Variants in WDR11 observed in about 807,000 individuals in gnomAD.
WDR11 encodes WD repeat domain 11.
A neutral mutation model predicts 151.2 loss-of-function variants in WDR11; 83 were observed. That is an observed-to-expected ratio of 0.55 (90% CI 0.46 to 0.66). The LOEUF (loss-of-function observed/expected upper bound fraction) is 0.66, where lower values mean the gene tolerates loss of function less well. Ranked by LOEUF, WDR11 falls within the 30% of genes least tolerant of loss-of-function variation. WDR11 has a pLI of 0.00. For missense variants in WDR11, 1,301 were observed against 1,480.9 expected, an observed-to-expected ratio of 0.88 and a Z score of 1.99; for synonymous variants, 484 against 533.1, an observed-to-expected ratio of 0.91 and a Z score of 1.27.
In WDR11 at chr10:120,908,855, C is replaced by T. The variant is rs568335121; in HGVS notation, c.*142C>T. ...GACCACTGTTCTAAGACTATGTGTG[C>T]CCAAAAGCACATAAGCATCTATGTT... On this transcript the variant is annotated 3_prime_UTR_variant, in exon 29 of 29. Transcript: ENST00000263461. The T allele has an allele frequency of 2.3e-6, 2 of 854,556 alleles. No individual in the cohort carries two copies. The highest frequency in any genetic ancestry group is 2.6e-5 in the East Asian group (1 of 38,864). 52.9% of individuals were successfully genotyped at this position (854,556 alleles called of 1,614,324 possible).
chr10:120,908,007 GA>G (rs2133822093), intron 28 of WDR11: 1 of 159,962 alleles, frequency 6.3e-6, no homozygotes, highest in Admixed American at 5.9e-5. Context: ...TAGTCACTGG[GA>G]AGGTGACTGG....
At position 120,873,824 on chromosome 10, in the gene WDR11, A is replaced by C; in HGVS notation, c.1472-15A>C. On this transcript the variant is annotated splice_polypyrimidine_tract_variant and intron_variant, in intron 10 of 28. Transcript: ENST00000263461. ...CCCACTGAATTAATGCTCTTCCATG[A>C]TGTCATTTTGAAAGGTACAAGTAAT... The C allele has an allele frequency of 6.3e-7, 1 of 1,584,182 alleles. No individual in the cohort carries two copies.
At chr10:120,887,410 A>C (rs1847259594) in intron 16 of WDR11, among the ~76,000 whole-genome samples, 1 of 152,188 alleles carries the variant, frequency 6.6e-6, no homozygotes, top group South Asian at 2.1e-4. Flanking sequence ...TGGATCATGA[A>C]AATGTTTATG....
In WDR11 at chr10:120,905,879, C is replaced by G; in HGVS notation, c.3295C>G (p.Arg1099Gly). 1 of 1,614,136 alleles carries G rather than the reference C, an allele frequency of 6.2e-7. No individual in the cohort carries two copies. The highest frequency in any genetic ancestry group is 8.5e-7 in the Non-Finnish European group (1 of 1,180,016). The change falls in exon 27 of 29, where the codon CGT (arginine) becomes GGT (glycine). Residue 1099 changes from arginine to glycine, a missense_variant. By Grantham distance (125) the Arg-to-Gly change is moderately radical (BLOSUM62 -2). Transcript: ENST00000263461. ...WNRAAWLAKVRLNPEECADVL... is the reference protein window; with the variant it reads ...WNRAAWLAKVGLNPEECADVL... ...TTAACACAGGCGTCTTTCTCAGGTC[C>G]GTTTGAATCCTGAGGAGTGTGCCGA...
intron 19 of WDR11, among the ~76,000 whole-genome samples, chr10:120,896,210 A>G (rs2133802365): frequency 6.6e-6 from 1 of 152,312 alleles, no homozygotes; most frequent in African/African-American, 2.4e-5. Flanking sequence ...GAGCACGTAT[A>G]GCCTGCTTGT....
At chr10:120,899,644 A>G (rs1847739621) in intron 19 of WDR11, among the ~76,000 whole-genome samples, 1 of 152,026 alleles carries the variant, frequency 6.6e-6, no homozygotes, top group South Asian at 2.1e-4. Context: ...TTAGCCAGGC[A>G]TGGTGGCAGG....
intron 20 of WDR11, 57 bp downstream of exon 20, chr10:120,900,194 A>C: frequency 6.9e-7 from 1 of 1,450,416 alleles, no homozygotes; most frequent in Non-Finnish European, 9.7e-7. Context: ...AAAGACACCC[A>C]TGAAAGTCAG....
chr10:120,852,238 A>G (rs561294769), intron 1 of WDR11: 22 of 394,316 alleles, frequency 5.6e-5, no homozygotes, highest in South Asian at 4.1e-4. Flanking sequence ...ACGTATGCCT[A>G]CAAGAACAGT....
In WDR11 at chr10:120,885,939, G is replaced by A; in HGVS notation, c.1973+1G>A. On this transcript the variant is annotated splice_donor_variant, in intron 15 of 28. Coordinates refer to ENST00000263461, the MANE Select transcript of WDR11 (RefSeq NM_018117.12). LOFTEE classifies it high-confidence loss of function. ...GTATTGTTGAATCATCTGTGATCAG[G>A]TACAGTACAGTGTTTCTTGACACTG... 3 of 1,613,190 alleles carry A rather than the reference G, an allele frequency of 1.9e-6. No homozygotes were observed. In the South Asian group the frequency reaches 3.3e-5, roughly 18 times the overall value.
intron 17 of WDR11, 59 bp from the exon 18 acceptor site, chr10:120,889,836 C>A: frequency 1.7e-6 from 2 of 1,157,100 alleles, no homozygotes; most frequent in South Asian, 1.3e-5. Flanking sequence ...TTAGACATAG[C>A]TTCTGGTGAC....
chr10:120,883,765 T>C lies in WDR11; in HGVS notation c.1740-15T>C, dbSNP rs377494258. On this transcript the variant is annotated splice_polypyrimidine_tract_variant and intron_variant, in intron 13 of 28. Coordinates refer to ENST00000263461, the MANE Select transcript of WDR11 (RefSeq NM_018117.12). ...TTGCAAAAAGGGGCTTATTTAGTAA[T>C]TTTGTTTATTTTAGGCAGTATTTGG... The C allele has an allele frequency of 1.5e-5, 24 of 1,612,220 alleles. No individual in the cohort carries two copies. Among genetic ancestry groups the C allele is most frequent in the Non-Finnish European group, 2.0e-5 (24 of 1,178,646 alleles).
At chr10:120,898,015 C>T (rs1301114182) in intron 19 of WDR11, among the ~76,000 whole-genome samples, 1 of 152,054 alleles carries the variant, frequency 6.6e-6, no homozygotes, top group Non-Finnish European at 1.5e-5. Context: ...TTTTCTAAAG[C>T]AGAGTTTTCC....
intron 26 of WDR11, 26 bp from the exon 27 acceptor site, chr10:120,905,847 TTTG>T (rs1848018268): frequency 6.2e-7 from 1 of 1,614,176 alleles, no homozygotes; most frequent in South Asian, 1.1e-5. Context: ...GCAGGATGTT[TTTG>T]TTGTTAACAC....
chr10:120,905,587 C>G (rs1848007479), intron 26 of WDR11, 171 bp downstream of exon 26: 3 of 800,272 alleles, frequency 3.7e-6, no homozygotes, highest in African/African-American at 1.7e-5. Context: ...AATTGCATTA[C>G]TTATTTAAAA....
intron 3 of WDR11, 149 bp from the exon 4 acceptor site, chr10:120,859,959 AC>A: frequency 1.7e-6 from 1 of 574,942 alleles, no homozygotes; most frequent in Non-Finnish European, 2.8e-6. Context: ...ATTGATACAC[AC>A]ACACACACAC....
At chr10:120,876,260 G>A (rs754441372) in intron 11 of WDR11, among the ~76,000 whole-genome samples, 11 of 152,040 alleles carry the variant, frequency 7.2e-5, no homozygotes, top group Admixed American at 3.3e-4. Flanking sequence ...GATTACAGGC[G>A]TGAGCCACCG....
At chr10:120,902,042 G>A (rs1425384674) in intron 21 of WDR11, among the ~76,000 whole-genome samples, 1 of 152,202 alleles carries the variant, frequency 6.6e-6, no homozygotes, top group Non-Finnish European at 1.5e-5. Context: ...TCCCTGTGGT[G>A]GCTGAAAGCT....
rs756126618 is a variant in WDR11, at chr10:120,866,694, G to A, written c.1120G>A (p.Val374Ile). 12 of 1,614,028 alleles carry A rather than the reference G, an allele frequency of 7.4e-6. No homozygotes were observed. Among genetic ancestry groups the A allele is most frequent in the African/African-American group, 5.3e-5 (4 of 74,908 alleles). ...TGTCAATGAGAATGCAGCCGCCCTC[G>A]TAGTGAGTGATGGCAGGGTCATGAT... ...CPVNENAAALVVSDGRVMIWE... is the reference protein window; with the variant it reads ...CPVNENAAALIVSDGRVMIWE... The change falls in exon 8 of 29, where the codon GTA becomes ATA. Residue 374 changes from valine to isoleucine, a missense_variant. Coordinates refer to ENST00000263461, the MANE Select transcript of WDR11 (RefSeq NM_018117.12).
In WDR11 at chr10:120,858,673, A is replaced by G. The variant is rs1224504208; in HGVS notation, c.229A>G (p.Asn77Asp). ...ATGGGCCAGGGAAAACTATCACCAT[A>G]ACATTGGCTCACCATATTGCTTACG... ...VKWARENYHHNIGSPYCLRLA... is the reference protein window; with the variant it reads ...VKWARENYHHDIGSPYCLRLA... Residue 77 changes from asparagine (N) to aspartate (D), a missense_variant, in exon 3 of 29, where the codon AAC (asparagine) becomes GAC (aspartate). Physicochemically the swap from Asn to Asp is conservative, Grantham distance 23 (BLOSUM62 1). Around this residue, in one of 3 missense-constraint regions of WDR11, gnomAD observed 692 missense variants for 762.5 expected, o/e 0.91. Transcript: ENST00000263461. 6.2e-7 allele frequency: 1 copy of G among 1,614,114 alleles called. No homozygotes were observed. The highest frequency in any genetic ancestry group is 1.3e-5 in the African/African-American group (1 of 74,946).
Sources: gnomAD v4.1 joint callset for allele counts (sites outside exome capture counted in the v4.1 genomes callset) on GRCh38, gnomAD v4.1.1 for gene constraint, gnomAD v4.1.1 regional missense constraint, MANE v1.5 for transcripts, NCBI Gene and HGNC (gene_info 2026-07-23, HGNC 2026-07-21) for gene names.